MAGI1: variants seen among roughly 807,000 people sequenced by gnomAD.
MAGI1 encodes membrane-associated guanylate kinase, WW and PDZ domain-containing protein 1.
In MAGI1, 58 loss-of-function variants were observed where a neutral mutation model predicts 139.9. The observed-to-expected ratio is 0.41, with a 90% confidence interval of 0.34 to 0.52. The LOEUF (loss-of-function observed/expected upper bound fraction) is 0.52, where lower values mean the gene tolerates loss of function less well. Among genes scored for constraint, MAGI1 ranks in the 20% least tolerant of loss-of-function variants. The pLI is 0.12. For synonymous variants in MAGI1, 812 were observed against 737.9 expected, an observed-to-expected ratio of 1.10 and a Z score of -1.63; for missense variants, 1,874 against 1,901.6, an observed-to-expected ratio of 0.99 and a Z score of 0.27.
At chr3:66,010,077 CAAAAA>C (rs60882502) in intron 1 of MAGI1, among the ~76,000 whole-genome samples, 5 of 69,790 alleles carry the variant, frequency 7.2e-5, no homozygotes, top group Non-Finnish European at 1.0e-4. Context: ...CTCTCTGTCT[CAAAAA>C]AAAAAAAAAA....
intron 1 of MAGI1, among the ~76,000 whole-genome samples, chr3:65,628,274 T>A (rs1424687800): frequency 1.3e-5 from 2 of 152,144 alleles, no homozygotes; most frequent in Non-Finnish European, 2.9e-5. Flanking sequence ...CCAAGACCAC[T>A]CCTGATTGGA....
chr3:65,911,183 A>T (rs1312527189), intron 1 of MAGI1, among the ~76,000 whole-genome samples: 1 of 151,920 alleles, frequency 6.6e-6, no homozygotes, highest in Non-Finnish European at 1.5e-5. Context: ...TTTGCTATCC[A>T]ACATCTATTT....
At chr3:66,007,288 T>A (rs1202442835) in intron 1 of MAGI1, among the ~76,000 whole-genome samples, 4 of 152,226 alleles carry the variant, frequency 2.6e-5, no homozygotes, top group African/African-American at 9.6e-5. Flanking sequence ...TTGTCTCCTT[T>A]AAGCCCCACG....
At chr3:65,695,191 G>C (rs915781374) in intron 1 of MAGI1, among the ~76,000 whole-genome samples, 19 of 152,190 alleles carry the variant, frequency 1.2e-4, no homozygotes, top group African/African-American at 4.3e-4. Flanking sequence ...GGGTCAGAGA[G>C]AACTGAATTC....
At chr3:65,440,917 C>T (rs7642845) in intron 8 of MAGI1, among the ~76,000 whole-genome samples, 2 of 142,826 alleles carry the variant, frequency 1.4e-5, no homozygotes, top group African/African-American at 3.0e-5. Context: ...TATATATATA[C>T]ACACACACAC....
intron 2 of MAGI1, among the ~76,000 whole-genome samples, chr3:65,525,076 T>C (rs1156256287): frequency 2.0e-5 from 3 of 152,134 alleles, no homozygotes; most frequent in African/African-American, 7.2e-5. Flanking sequence ...TCAGTCATAA[T>C]TTCAAACACC....
chr3:65,447,871 G>A (rs1337794556), intron 7 of MAGI1, 151 bp downstream of exon 7: 5 of 910,874 alleles, frequency 5.5e-6, no homozygotes, highest in Non-Finnish European at 7.3e-6. Context: ...CAGGTTGTAA[G>A]ACTGACCTTT....
intron 5 of MAGI1, among the ~76,000 whole-genome samples, chr3:65,468,245 A>G (rs1221439825): frequency 1.3e-5 from 2 of 152,042 alleles, no homozygotes; most frequent in Non-Finnish European, 2.9e-5. Context: ...TTTAAAAAGC[A>G]TTTGTCATTA....
At chr3:65,779,351 T>C (rs1049919770) in intron 1 of MAGI1, among the ~76,000 whole-genome samples, 6 of 152,304 alleles carry the variant, frequency 3.9e-5, no homozygotes, top group African/African-American at 1.4e-4. Flanking sequence ...CAAATTTGCT[T>C]CTGGAAGGGC....
chr3:65,921,395 G>T (rs2062176995), intron 1 of MAGI1, among the ~76,000 whole-genome samples: 1 of 150,608 alleles, frequency 6.6e-6, no homozygotes, highest in African/African-American at 2.4e-5. Flanking sequence ...TGCAATCTCT[G>T]TGTCCCGGGT....
At chr3:65,394,655 C>T (rs1297049771) in intron 13 of MAGI1, among the ~76,000 whole-genome samples, 1 of 148,828 alleles carries the variant, frequency 6.7e-6, no homozygotes, top group African/African-American at 2.5e-5. Flanking sequence ...TAAAACTATG[C>T]TGTGGGTGTG....
At chr3:65,495,014 G>A (rs1008809110) in intron 2 of MAGI1, among the ~76,000 whole-genome samples, 29 of 152,278 alleles carry the variant, frequency 1.9e-4, no homozygotes, top group African/African-American at 7.0e-4. Context: ...CTCTTACACT[G>A]TTTCCTAATT....
chr3:65,359,627 A>G, intron 22 of MAGI1: 1 of 995,028 alleles, frequency 1.0e-6, no homozygotes, highest in Non-Finnish European at 1.2e-6. Flanking sequence ...GGAACTTAAC[A>G]TATTATAACC....
intron 2 of MAGI1, among the ~76,000 whole-genome samples, chr3:65,511,177 C>A (rs1268351401): frequency 4.7e-5 from 7 of 149,160 alleles, no homozygotes; most frequent in Non-Finnish European, 1.0e-4. Flanking sequence ...AAAGGAACAA[C>A]CGGTACCAGC....
chr3:65,622,810 G>A (rs1576510993), intron 1 of MAGI1, among the ~76,000 whole-genome samples: 3 of 151,992 alleles, frequency 2.0e-5, no homozygotes, highest in Non-Finnish European at 4.4e-5. Flanking sequence ...CAAGTGATCC[G>A]CCCGCCTCGG....
chr3:65,543,630 T>C lies in MAGI1; in HGVS notation c.431-49999A>G, dbSNP rs2079353895. Among the ~76,000 whole-genome samples the C allele has an allele frequency of 2.0e-5, 3 of 152,142 alleles. No homozygotes were observed. In the South Asian group the frequency reaches 6.2e-4, roughly 32 times the overall value. ...CATGGATGAAGCTGGAAACCATCAT[T>C]CTCAGCAAACTAACACAGAAACAGA... On this transcript the variant is annotated intron_variant, in intron 2 of 22. Coordinates refer to ENST00000402939, the MANE Select transcript of MAGI1 (RefSeq NM_001033057.2).
At chr3:65,822,427 C>G (rs1317455309) in intron 1 of MAGI1, among the ~76,000 whole-genome samples, 3 of 152,088 alleles carry the variant, frequency 2.0e-5, no homozygotes, top group Non-Finnish European at 4.4e-5. Context: ...ACTCCGGAGG[C>G]TGAGCCAGAA....
intron 1 of MAGI1, among the ~76,000 whole-genome samples, chr3:65,937,693 GT>G (rs1163932358): frequency 1.3e-5 from 2 of 151,874 alleles, no homozygotes; most frequent in Non-Finnish European, 2.9e-5. Context: ...GTTTTTTGGG[GT>G]TTTTTTAGTT....
intron 1 of MAGI1, among the ~76,000 whole-genome samples, chr3:65,682,252 T>C (rs74955083): frequency 5.1e-4 from 78 of 152,262 alleles, no homozygotes; most frequent in Non-Finnish European, 8.7e-4. Context: ...AGCCCAGCCC[T>C]TGACTAGCAA....
Sources: allele counts gnomAD v4.1 joint callset (sites outside exome capture counted in the v4.1 genomes callset), GRCh38; gene constraint gnomAD v4.1.1; transcripts MANE v1.5; gene names NCBI Gene and HGNC (gene_info 2026-07-23, HGNC 2026-07-21).